Variants in CIITA observed in about 807,000 individuals in gnomAD.
CIITA encodes class II major histocompatibility complex transactivator, also known as MHC class II transactivator.
A neutral mutation model predicts 115.1 loss-of-function variants in CIITA; 72 were observed. That is an observed-to-expected ratio of 0.63 (90% CI 0.52 to 0.76). CIITA has a LOEUF of 0.76. Ranked by LOEUF, CIITA falls within the 30% of genes least tolerant of loss-of-function variation. The pLI, the probability that CIITA is intolerant of heterozygous loss-of-function variation, is 0.00. For missense variants in CIITA, 1,617 were observed against 1,463.8 expected, an observed-to-expected ratio of 1.10 and a Z score of -1.71; for synonymous variants, 763 against 635.6, an observed-to-expected ratio of 1.20 and a Z score of -3.02.
At chr16:10,914,260 T>TA (rs1234081118) in intron 13 of CIITA, among the ~76,000 whole-genome samples, 1 of 152,094 alleles carries the variant, frequency 6.6e-6, no homozygotes, top group Non-Finnish European at 1.5e-5. Flanking sequence ...GATCAAGACT[T>TA]AAGGGTGAAG....
intron 2 of CIITA, 70 bp from the exon 3 acceptor site, chr16:10,895,599 C>A: frequency 6.3e-7 from 1 of 1,595,518 alleles, no homozygotes. Flanking sequence ...CCTGCCCCGC[C>A]TCTCCCTCGT....
chr16:10,923,356 C>A lies in CIITA; in HGVS notation c.*22+31C>A. ...CAGGGTGGGCTTGGGAGGGGAGAGC[C>A]GCAGTGGGTTGGGGGCAGTGTCCTT... On this transcript the variant is annotated intron_variant, in intron 19 of 19. Transcript: ENST00000324288. This position sits in a 1 kb window ranked among gnomAD's most constrained non-coding sequence, Gnocchi z 5.2. 2.0e-6 allele frequency: 3 copies of A among 1,494,146 alleles called. No individual in the cohort carries two copies. Among genetic ancestry groups the A allele is most frequent in the South Asian group, 1.1e-5 (1 of 88,754 alleles). 92.6% of individuals were successfully genotyped at this position (1,494,146 alleles called of 1,614,324 possible).
intron 1 of CIITA, among the ~76,000 whole-genome samples, chr16:10,887,547 G>A (rs2037082160): frequency 6.6e-6 from 1 of 151,408 alleles, no homozygotes; most frequent in African/African-American, 2.4e-5. Context: ...CGAGGCTGGA[G>A]TGCAGTGGCG....
downstream of CIITA, chr16:10,940,583 C>T (rs932522317): frequency 6.6e-5 from 10 of 152,400 alleles, no homozygotes; most frequent in African/African-American, 2.4e-4. This position sits in a 1 kb window ranked among gnomAD's most constrained non-coding sequence, Gnocchi z 4.2. Context: ...CCAAGGCGTT[C>T]CTGCCTGCCC....
In CIITA at chr16:10,901,788, T is replaced by G. The variant is rs777274883; in HGVS notation, c.481+230T>G. ...CTAACAGATTGTTCATAGGTTCTAT[T>G]CTGCCCCAGCTCTCCGTGTGGAGGC... On this transcript the variant is annotated intron_variant, in intron 6 of 19. Transcript: ENST00000324288. This position sits in a 1 kb window ranked among gnomAD's most constrained non-coding sequence, Gnocchi z 6.8. 3.9e-5 allele frequency: 26 copies of G among 670,144 alleles called. No homozygotes were observed. Among genetic ancestry groups the G allele is most frequent in the Non-Finnish European group, 6.1e-5 (24 of 390,866 alleles). 41.5% of individuals were successfully genotyped at this position (670,144 alleles called of 1,614,324 possible). A position where few individuals can be genotyped will look rare whatever the true frequency, so the allele number is the denominator to read the frequency against.
At chr16:10,875,985 G>A (rs1204175258), upstream of CIITA, among the ~76,000 whole-genome samples, 1 of 151,998 alleles carries the variant, frequency 6.6e-6, no homozygotes, top group Non-Finnish European at 1.5e-5. Context: ...AAGAAAAAAA[G>A]AAAAGAAAAG....
Position 10,933,254 on chromosome 16 carries a change from C to A in CIITA, c.*9399C>A, listed in dbSNP as rs1033845122. The A allele has an allele frequency of 6.6e-6, 1 of 152,244 alleles. No individual in the cohort carries two copies. The highest frequency in any genetic ancestry group is 1.5e-5 in the Non-Finnish European group (1 of 68,098). The allele number at this position is 152,244 out of a possible 1,614,324, so 9.4% of individuals were successfully genotyped here. A position where few individuals can be genotyped will look rare whatever the true frequency, so the allele number is the denominator to read the frequency against. On this transcript the variant is annotated 3_prime_UTR_variant, in exon 20 of 20. Coordinates refer to ENST00000324288, the MANE Select transcript of CIITA (RefSeq NM_000246.4). ...TCAGAATGACAGTTGGGTGCTAGAT[C>A]CCCTTCGTGAAGCAATGTCTTAGCT...
chr16:10,879,697 T>C lies in CIITA; in HGVS notation c.52+2315T>C, dbSNP rs941775136. Among the ~76,000 whole-genome samples the C allele has an allele frequency of 6.6e-6, 1 of 152,198 alleles. No individual in the cohort carries two copies. The highest frequency in any genetic ancestry group is 2.4e-5 in the African/African-American group (1 of 41,458). ...TGATCTCTCACTTCTCTACCTCGCT[T>C]TGGGGCCCTGAGTCACACCCTCTAA... On this transcript the variant is annotated intron_variant, in intron 1 of 19. Coordinates refer to ENST00000324288, the MANE Select transcript of CIITA (RefSeq NM_000246.4). The surrounding 1 kb of genome is among the most constrained non-coding windows in gnomAD (Gnocchi z 4.3).
chr16:10,877,262 G>C lies in CIITA; in HGVS notation c.-69G>C, dbSNP rs886770396. 1 of 1,467,066 alleles carries C rather than the reference G, an allele frequency of 6.8e-7. No homozygotes were observed. Among genetic ancestry groups the C allele is most frequent in the African/African-American group, 1.4e-5 (1 of 71,806 alleles). The allele number at this position is 1,467,066 out of a possible 1,614,324, so 90.9% of individuals were successfully genotyped here. A position where few individuals can be genotyped will look rare whatever the true frequency, so the allele number is the denominator to read the frequency against. ...AGCTGGGCATCCGAAGGCATCCTTG[G>C]GGAAGCTGAGGGCACGAGGAGGGGC... On this transcript the variant is annotated 5_prime_UTR_variant, in exon 1 of 20. Transcript: ENST00000324288.
chr16:10,888,377 T>G (rs1056673358), intron 1 of CIITA: 7 of 152,204 alleles, frequency 4.6e-5, no homozygotes, highest in Non-Finnish European at 8.8e-5. Context: ...ACCCCAAAGC[T>G]CACCATCTGA....
upstream of CIITA, among the ~76,000 whole-genome samples, chr16:10,874,701 T>C (rs573081441): frequency 2.6e-5 from 4 of 152,248 alleles, no homozygotes; most frequent in East Asian, 3.9e-4. Flanking sequence ...ATGAGGAAGG[T>C]GGTACTGAAA....
At chr16:10,885,652 A>G (rs1014358203) in intron 1 of CIITA, among the ~76,000 whole-genome samples, 2 of 152,024 alleles carry the variant, frequency 1.3e-5, no homozygotes, top group East Asian at 1.9e-4. Context: ...CTCCTCCCCC[A>G]TCCTGCTCCA....
intron 1 of CIITA, among the ~76,000 whole-genome samples, chr16:10,894,241 C>T (rs1270867711): frequency 6.6e-6 from 1 of 151,972 alleles, no homozygotes; most frequent in African/African-American, 2.4e-5. Context: ...TGTCCGGCTT[C>T]TTCACTTAGC....
At chr16:10,882,067 T>C (rs2036485133) in intron 1 of CIITA, among the ~76,000 whole-genome samples, 1 of 152,236 alleles carries the variant, frequency 6.6e-6, no homozygotes, top group South Asian at 2.1e-4. Flanking sequence ...ATTCATTTGT[T>C]GATAGACACT....
Position 10,917,202 on chromosome 16 carries a change from G to A in CIITA, c.3062+743G>A, listed in dbSNP as rs188161447. ...ATTTTTTTTCTTTTTTTCAGACAAG[G>A]TCTCGCTCTGTCACCCAGGGTGGAG... is the stretch of plus-strand genomic sequence containing the variant. On this transcript the variant is annotated intron_variant, in intron 15 of 19. Transcript: ENST00000324288. Among the ~76,000 whole-genome samples the A allele has an allele frequency of 2.0e-5, 3 of 152,144 alleles. No homozygotes were observed. In the East Asian group the frequency reaches 5.8e-4, roughly 29 times the overall value.
At chr16:10,872,153 T>C (rs1042307303) in intron 1 of CIITA, among the ~76,000 whole-genome samples, 2 of 152,102 alleles carry the variant, frequency 1.3e-5, no homozygotes, top group African/African-American at 2.4e-5. Context: ...GACACAGTCT[T>C]GCTTTGTAGC....
intron 1 of CIITA, among the ~76,000 whole-genome samples, chr16:10,887,737 C>T (rs985665684): frequency 3.9e-5 from 6 of 152,128 alleles, no homozygotes; most frequent in Admixed American, 6.5e-5. Context: ...TCAAGTAATC[C>T]GCCAGCCTCG....
chr16:10,941,504 G>T lies in CIITA; in HGVS notation n.630G>T. 1 of 1,371,920 alleles carries T rather than the reference G, an allele frequency of 7.3e-7. No homozygotes were observed. The highest frequency in any genetic ancestry group is 9.5e-7 in the Non-Finnish European group (1 of 1,057,596). The allele number at this position is 1,371,920 out of a possible 1,614,324, so 85.0% of individuals were successfully genotyped here. A position where few individuals can be genotyped will look rare whatever the true frequency, so the allele number is the denominator to read the frequency against. ...AGGGAGGGGTGTGTATCCGGCCTGGGAATTCCTCCCTCTCCCTTGCTAGCG... is the reference window on the plus strand; with the variant it reads ...AGGGAGGGGTGTGTATCCGGCCTGGTAATTCCTCCCTCTCCCTTGCTAGCG... On this transcript the variant is annotated non_coding_transcript_exon_variant, in exon 2 of 2. Coordinates refer to the CIITA transcript ENST00000573379. The surrounding 1 kb of genome is among the most constrained non-coding windows in gnomAD (Gnocchi z 6.4).
chr16:10,901,307 G>A lies in CIITA; in HGVS notation c.437-207G>A, dbSNP rs564110693. On this transcript the variant is annotated intron_variant, in intron 5 of 19. Coordinates refer to ENST00000324288, the MANE Select transcript of CIITA (RefSeq NM_000246.4). This position sits in a 1 kb window ranked among gnomAD's most constrained non-coding sequence, Gnocchi z 6.8. ...CATTTGTGACTCGGCCTCTTCTGCT[G>A]CTACACTGCCTGGTATGGTTTGAGA... Among the ~76,000 whole-genome samples the A allele has an allele frequency of 1.3e-5, 2 of 152,262 alleles. No individual in the cohort carries two copies. Among genetic ancestry groups the A allele is most frequent in the Admixed American group, 6.5e-5 (1 of 15,290 alleles).
Sources: gnomAD v4.1 joint callset for allele counts (sites outside exome capture counted in the v4.1 genomes callset) on GRCh38, gnomAD v4.1.1 for gene constraint, Gnocchi (gnomAD v3.1) non-coding constraint, MANE v1.5 for transcripts, NCBI Gene and HGNC (gene_info 2026-07-23, HGNC 2026-07-21) for gene names.